The following DLGAP2 variants were observed in gnomAD, a reference collection of about 807,000 sequenced individuals.
DLGAP2 encodes DLG associated protein 2.
Under a neutral mutation model 100.3 loss-of-function variants are expected in DLGAP2, and 26 were observed. The ratio of observed to expected loss-of-function variants is 0.26; its 90% CI spans 0.19 to 0.36. The LOEUF is 0.36. Ranked by LOEUF, DLGAP2 falls within the 10% of genes least tolerant of loss-of-function variation. The pLI is 1.00. For synonymous variants in DLGAP2, 886 were observed against 630.1 expected (o/e 1.41, Z -6.08); for missense variants, 1,858 against 1,453.2 (o/e 1.28, Z -4.53).
chr8:769,783 C>G (rs1223324253), intron 1 of DLGAP2, among the ~76,000 whole-genome samples: 1 of 152,104 alleles, frequency 6.6e-6, no homozygotes, highest in African/African-American at 2.4e-5. Flanking sequence ...TTAAAAATGA[C>G]AACTCAATGG....
At chr8:1,059,007 A>G (rs1411566717) in intron 2 of DLGAP2, among the ~76,000 whole-genome samples, 1 of 152,182 alleles carries the variant, frequency 6.6e-6, no homozygotes, top group African/African-American at 2.4e-5. Flanking sequence ...GATGTTGGCC[A>G]TAGCAGCGTC....
At chr8:1,341,575 T>C (rs1801419098) in intron 3 of DLGAP2, among the ~76,000 whole-genome samples, 2 of 152,340 alleles carry the variant, frequency 1.3e-5, no homozygotes, top group South Asian at 4.1e-4. Flanking sequence ...GAGATGACTG[T>C]GGCTGACCCC....
At chr8:1,473,312 C>G (rs1177920249) in intron 3 of DLGAP2, among the ~76,000 whole-genome samples, 1 of 152,156 alleles carries the variant, frequency 6.6e-6, no homozygotes, top group African/African-American at 2.4e-5. Flanking sequence ...AGTAGATGAA[C>G]AGAAGAAGGT....
chr8:1,275,067 C>T (rs1223519956), intron 3 of DLGAP2, among the ~76,000 whole-genome samples: 2 of 152,154 alleles, frequency 1.3e-5, no homozygotes, highest in Non-Finnish European at 2.9e-5. Context: ...GTGAAGGCTC[C>T]AGCCCAGGCA....
rs573477452 is a variant in DLGAP2 at position 744,109 on chromosome 8, T to C, written c.18+6284T>C. On this transcript the variant is annotated intron_variant, in intron 1 of 14. Transcript: ENST00000637795. ...CCGTGGCAGTCTATGGATGGAGCCA[T>C]CATCGTGGTTCTCTCAGACCCAGCG... is the stretch of plus-strand genomic sequence containing the variant. Among the ~76,000 whole-genome samples, 17 of 152,316 alleles carry C rather than the reference T, an allele frequency of 1.1e-4. No homozygotes were observed. The South Asian group carries it at 3.5e-3, about 32-fold the overall frequency.
chr8:1,189,616 C>T lies in DLGAP2; in HGVS notation c.74-69235C>T, dbSNP rs73670658. Among the ~76,000 whole-genome samples the T allele has an allele frequency of 4.5e-3, 681 of 152,322 alleles. 4 individuals are homozygous for T. Among genetic ancestry groups the T allele is most frequent in the African/African-American group, 0.013 (561 of 41,562 alleles). On this transcript the variant is annotated intron_variant, in intron 2 of 14. Coordinates refer to ENST00000637795, the MANE Select transcript of DLGAP2 (RefSeq NM_001346810.2). The stretch of plus-strand genomic sequence containing the variant: ...AACAGTATTTTTTGTCATTCAAGCA[C>T]GTTTAGCAGTTGACGTGTGACATCC...
In DLGAP2 at chr8:920,067, C is replaced by T. The variant is rs146422642; in HGVS notation, c.73+12101C>T. 8.7e-3 allele frequency among the ~76,000 whole-genome samples: 1,323 copies of T among 152,236 alleles called. 9 individuals are homozygous for T. The highest frequency in any genetic ancestry group is 0.014 in the Non-Finnish European group (949 of 68,010). ...AGCACGCGGAGCATGGTCAGCAGAG[C>T]GAGAAGGTGGAGGAGAGAGGTCCAG... On this transcript the variant is annotated intron_variant, in intron 2 of 14. Coordinates refer to ENST00000637795, the MANE Select transcript of DLGAP2 (RefSeq NM_001346810.2).
chr8:1,333,126 C>G (rs778078771), intron 3 of DLGAP2, among the ~76,000 whole-genome samples: 1 of 152,140 alleles, frequency 6.6e-6, no homozygotes, highest in Non-Finnish European at 1.5e-5. Context: ...GCAGATGGAC[C>G]TCCGGCTGCA....
At chr8:818,125 C>T (rs1343433590) in intron 1 of DLGAP2, among the ~76,000 whole-genome samples, 1 of 152,114 alleles carries the variant, frequency 6.6e-6, no homozygotes, top group Admixed American at 6.5e-5. Flanking sequence ...AGGTGAGGGG[C>T]AGGGACAGGC....
At chr8:1,252,513 G>C (rs758297723) in intron 2 of DLGAP2, among the ~76,000 whole-genome samples, 2 of 152,216 alleles carry the variant, frequency 1.3e-5, no homozygotes, top group Non-Finnish European at 2.9e-5. Context: ...TCATCACCAT[G>C]TTACACGGTG....
At chr8:1,029,626 G>A (rs1584992966) in intron 2 of DLGAP2, among the ~76,000 whole-genome samples, 1 of 145,124 alleles carries the variant, frequency 6.9e-6, no homozygotes, top group African/African-American at 2.7e-5. Context: ...ATGGCCTAGG[G>A]TGTCCAGCAG....
chr8:1,509,023 C>A (rs1800057060), intron 4 of DLGAP2, among the ~76,000 whole-genome samples: 1 of 152,070 alleles, frequency 6.6e-6, no homozygotes, highest in African/African-American at 2.4e-5. Context: ...TAAATGGAAA[C>A]AAAAATACAA....
intron 3 of DLGAP2, among the ~76,000 whole-genome samples, chr8:1,451,185 G>C (rs1326385029): frequency 6.6e-6 from 1 of 152,060 alleles, no homozygotes; most frequent in Non-Finnish European, 1.5e-5. Context: ...CTGCATGCAG[G>C]CCATATTTGG....
chr8:910,029 G>T (rs117370585), intron 2 of DLGAP2, among the ~76,000 whole-genome samples: 2 of 152,198 alleles, frequency 1.3e-5, no homozygotes, highest in African/African-American at 4.8e-5. Context: ...TCTCATTAAG[G>T]AGATTAACTT....
At chr8:1,012,425 C>T (rs1324622408) in intron 2 of DLGAP2, among the ~76,000 whole-genome samples, 1 of 152,268 alleles carries the variant, frequency 6.6e-6, no homozygotes, top group Non-Finnish European at 1.5e-5. Flanking sequence ...GAGCGAGGAT[C>T]TCCAGTAGTC....
chr8:1,349,681 G>C (rs55991353), intron 3 of DLGAP2, among the ~76,000 whole-genome samples: 24 of 91,916 alleles, frequency 2.6e-4, no homozygotes, highest in East Asian at 4.0e-4. Flanking sequence ...AGACTATCAT[G>C]AGCCTCCTGC....
intron 6 of DLGAP2, among the ~76,000 whole-genome samples, chr8:1,575,549 A>C (rs993040712): frequency 1.3e-5 from 2 of 150,340 alleles, no homozygotes; most frequent in Non-Finnish European, 3.0e-5. Flanking sequence ...TACATGTGCC[A>C]TGTTGGTGTG....
intron 2 of DLGAP2, among the ~76,000 whole-genome samples, chr8:1,155,545 ATG>A (rs1796766569): frequency 6.6e-6 from 1 of 151,996 alleles, no homozygotes; most frequent in Non-Finnish European, 1.5e-5. Context: ...AGCATATGTG[ATG>A]TGTGATGTGT....
intron 2 of DLGAP2, among the ~76,000 whole-genome samples, chr8:1,027,244 G>A (rs755617647): frequency 3.9e-5 from 6 of 152,228 alleles, no homozygotes; most frequent in South Asian, 2.1e-4. Flanking sequence ...TGAATTATGC[G>A]TTAATCCAGC....
Sources: gnomAD v4.1 joint callset for allele counts (sites outside exome capture counted in the v4.1 genomes callset) on GRCh38, gnomAD v4.1.1 for gene constraint, MANE v1.5 for transcripts, NCBI Gene and HGNC (gene_info 2026-07-23, HGNC 2026-07-21) for gene names.